Variants in SCRG1 observed in about 807,000 individuals in gnomAD.
SCRG1 encodes scrapie-responsive protein 1.
A neutral mutation model predicts 7.7 loss-of-function variants in SCRG1; 3 were observed. The observed-to-expected ratio is 0.39, with a 90% CI of 0.18 to 1.01. The LOEUF (loss-of-function observed/expected upper bound fraction) is 1.01, where lower values mean the gene tolerates loss of function less well. Among genes scored for constraint, SCRG1 ranks in the 50% least tolerant of loss-of-function variants. The probability of loss-of-function intolerance (pLI) is 0.36; values close to 1 mark genes in which losing one functional copy is unlikely to be tolerated. For missense variants in SCRG1, 110 were observed against 117.2 expected, an observed-to-expected ratio of 0.94 and a Z score of 0.28; for synonymous variants, 46 against 41.2, an observed-to-expected ratio of 1.12 and a Z score of -0.44.
chr4:173,463,959 G>A, the SCRG1 span, among the ~76,000 whole-genome samples: 2 of 152,108 alleles, frequency 1.3e-5, no homozygotes, highest in African/African-American at 4.8e-5. Flanking sequence ...ACAATGGGGG[G>A]AGAATGCCAA....
At chr4:173,511,285 C>T in the SCRG1 span, among the ~76,000 whole-genome samples, 2 of 152,032 alleles carry the variant, frequency 1.3e-5, no homozygotes, top group Non-Finnish European at 2.9e-5. This position sits in a 1 kb window ranked among gnomAD's most constrained non-coding sequence, Gnocchi z 5.2. Context: ...GGGTGGAAAA[C>T]ATTAGCTTCT....
chr4:173,390,018 T>C, intron 2 of SCRG1: 1 of 250,228 alleles, frequency 4.0e-6, no homozygotes, highest in Non-Finnish European at 8.4e-6. Context: ...TTTATGAATT[T>C]ATCTACCATC....
chr4:173,510,976 TTTG>T, the SCRG1 span, among the ~76,000 whole-genome samples: 2 of 152,316 alleles, frequency 1.3e-5, no homozygotes, highest in East Asian at 3.9e-4. The surrounding 1 kb of genome is among the most constrained non-coding windows in gnomAD (Gnocchi z 5.7). Flanking sequence ...CTCTTCTTTT[TTTG>T]TTTTTGAAAC....
At chr4:173,435,436 G>T in the SCRG1 span, among the ~76,000 whole-genome samples, 2 of 152,176 alleles carry the variant, frequency 1.3e-5, no homozygotes, top group African/African-American at 4.8e-5. Flanking sequence ...GGTCACCGGG[G>T]CTCCGAGGGG....
At chr4:173,419,940 C>A in the SCRG1 span, 1 of 745,730 alleles carries the variant, frequency 1.3e-6, no homozygotes, top group Non-Finnish European at 2.4e-6. Flanking sequence ...ACTATCATAG[C>A]CCCCTCTATA....
the SCRG1 span, among the ~76,000 whole-genome samples, chr4:173,423,214 T>C: frequency 4.6e-5 from 7 of 152,236 alleles, no homozygotes; most frequent in Admixed American, 2.0e-4. Context: ...TTAATGCTTA[T>C]AGAGTTGATT....
chr4:173,420,288 C>T, the SCRG1 span, among the ~76,000 whole-genome samples: 2 of 152,166 alleles, frequency 1.3e-5, no homozygotes, highest in African/African-American at 4.8e-5. Context: ...TTCTAAAATA[C>T]TCTACAATGA....
At chr4:173,442,625 CA>C in the SCRG1 span, among the ~76,000 whole-genome samples, 1 of 152,144 alleles carries the variant, frequency 6.6e-6, no homozygotes, top group Non-Finnish European at 1.5e-5. Context: ...AATAGAACAC[CA>C]CAGACTGAGT....
chr4:173,474,303 C>T, the SCRG1 span, among the ~76,000 whole-genome samples: 3 of 152,134 alleles, frequency 2.0e-5, no homozygotes, highest in Admixed American at 6.5e-5. Context: ...GGAATACATC[C>T]TTTGCTTTTG....
chr4:173,393,061 AC>A (rs1335744028), intron 1 of SCRG1, among the ~76,000 whole-genome samples: 1 of 150,868 alleles, frequency 6.6e-6, no homozygotes, highest in East Asian at 2.0e-4. Context: ...ACTGCACTCC[AC>A]CCTGCATGAC....
chr4:173,485,518 C>A, the SCRG1 span, among the ~76,000 whole-genome samples: 1 of 151,812 alleles, frequency 6.6e-6, no homozygotes, highest in African/African-American at 2.4e-5. Flanking sequence ...GGGCCCAGCA[C>A]AAATTGCAGA....
the SCRG1 span, among the ~76,000 whole-genome samples, chr4:173,516,667 G>C: frequency 2.6e-5 from 4 of 152,230 alleles, no homozygotes; most frequent in African/African-American, 9.6e-5. Flanking sequence ...CGTCTACTGC[G>C]TAAGAGAGCG....
chr4:173,517,165 C>A, the SCRG1 span, among the ~76,000 whole-genome samples: 1 of 152,028 alleles, frequency 6.6e-6, no homozygotes, highest in Non-Finnish European at 1.5e-5. Flanking sequence ...GGGGCTCGGG[C>A]GGGGTCACAA....
the SCRG1 span, among the ~76,000 whole-genome samples, chr4:173,474,802 AG>A: frequency 6.6e-6 from 1 of 152,236 alleles, no homozygotes; most frequent in Non-Finnish European, 1.5e-5. Flanking sequence ...TGTAAGCCTG[AG>A]GTCCTTTTAG....
chr4:173,424,754 C>T, the SCRG1 span, among the ~76,000 whole-genome samples: 1 of 152,014 alleles, frequency 6.6e-6, no homozygotes, highest in Non-Finnish European at 1.5e-5. Flanking sequence ...ACTAAAAATA[C>T]AAGAATTAGC....
chr4:173,508,421 C>A, the SCRG1 span, among the ~76,000 whole-genome samples: 1 of 152,186 alleles, frequency 6.6e-6, no homozygotes, highest in South Asian at 2.1e-4. This position sits in a 1 kb window ranked among gnomAD's most constrained non-coding sequence, Gnocchi z 4.4. Context: ...AATATGCCCA[C>A]ACTTTGACAG....
chr4:173,389,870 G>A (rs1187126334), intron 2 of SCRG1: 2 of 435,692 alleles, frequency 4.6e-6, no homozygotes, highest in Non-Finnish European at 9.3e-6. Context: ...AGATTTCTTA[G>A]AAGGATGAAA....
At chr4:173,412,647 T>C in the SCRG1 span, among the ~76,000 whole-genome samples, 2 of 152,220 alleles carry the variant, frequency 1.3e-5, no homozygotes, top group Non-Finnish European at 2.9e-5. Flanking sequence ...CTGTGGATGA[T>C]CACATCAGAA....
the SCRG1 span, among the ~76,000 whole-genome samples, chr4:173,479,912 G>C: frequency 6.6e-6 from 1 of 152,158 alleles, no homozygotes; most frequent in Non-Finnish European, 1.5e-5. Context: ...ATCACTAATA[G>C]TGAGAAAACC....
Sources: gnomAD v4.1 joint callset for allele counts (sites outside exome capture counted in the v4.1 genomes callset) on GRCh38, gnomAD v4.1.1 for gene constraint, Gnocchi (gnomAD v3.1) non-coding constraint, MANE v1.5 for transcripts, NCBI Gene and HGNC (gene_info 2026-07-23, HGNC 2026-07-21) for gene names.